RRP12: variants seen among roughly 807,000 people sequenced by gnomAD.
The protein encoded by RRP12 is ribosomal RNA processing 12 homolog.
RRP12 carries 78 observed loss-of-function variants against 157.3 expected under a neutral mutation model. That is an observed-to-expected ratio of 0.50 (90% CI 0.41 to 0.60). The LOEUF (loss-of-function observed/expected upper bound fraction) is 0.60. Among genes scored for constraint, RRP12 ranks in the 20% least tolerant of loss-of-function variants. The pLI is 0.00. For synonymous variants in RRP12, 726 were observed against 670.9 expected, an observed-to-expected ratio of 1.08 and a Z score of -1.27; for missense variants, 1,521 against 1,679.9, an observed-to-expected ratio of 0.91 and a Z score of 1.65.
rs552744440 is a variant in RRP12 at position 97,400,469 on chromosome 10, A to G, written c.205T>C (p.Leu69=). 2 of 1,614,118 alleles carry G rather than the reference A, an allele frequency of 1.2e-6. No individual in the cohort carries two copies. Among genetic ancestry groups the G allele is most frequent in the Non-Finnish European group, 1.7e-6 (2 of 1,180,018 alleles). Residue 69 remains leucine (L), a synonymous_variant, in exon 2 of 34, where the codon TTG becomes CTG. Coordinates refer to ENST00000370992, the MANE Select transcript of RRP12 (RefSeq NM_015179.4). The stretch of plus-strand genomic sequence containing the variant: ...GTCTCCGGGGCTTCGCTTTTGCCCA[A>G]GCGCAAGGACCCTGACTGCAGCTCA... ...HNELQSGSLR[L]GKSEAPETPM... is the part of the protein sequence containing the mutation.
rs543957050 is a variant in RRP12, at chr10:97,395,829, C to T, written c.453+389G>A. ...ACATGCCATTGCACTCCAGCCTGGG[C>T]GACAGTGTGAGACTCCGCCTCAAAA... On this transcript the variant is annotated intron_variant, in intron 3 of 33. Transcript: ENST00000370992. Among the ~76,000 whole-genome samples the T allele has an allele frequency of 3.0e-4, 43 of 143,156 alleles. No individual in the cohort carries two copies. The South Asian group carries it at 6.6e-3, about 22-fold the overall frequency. The allele number at this position is 143,156 out of a possible 152,430, so 93.9% of individuals were successfully genotyped here. A position where few individuals can be genotyped will look rare whatever the true frequency, so the allele number is the denominator to read the frequency against.
intron 2 of RRP12, 127 bp downstream of exon 2, chr10:97,400,178 A>G (rs1156429629): frequency 1.4e-6 from 1 of 724,288 alleles, no homozygotes; most frequent in Admixed American, 2.2e-5. Context: ...CATAAAGGGG[A>G]GGAGCGATGA....
At chr10:97,381,558 T>TGCCTGGGAGGGGAGAGTGG in intron 11 of RRP12, 75 bp from the exon 12 acceptor site, 1 of 1,300,908 alleles carries the variant, frequency 7.7e-7, no homozygotes, top group Non-Finnish European at 1.1e-6. Context: ...AGGCAACAGT[T>TGCCTGGGAGGGGAGAGTGG]TCCTGGGAGT....
chr10:97,393,727 ACTCCGG>A lies in RRP12; in HGVS notation c.481_486del (p.Pro161_Glu162del). 6.2e-7 allele frequency: 1 copy of A among 1,613,686 alleles called. No individual in the cohort carries two copies. Among genetic ancestry groups the A allele is most frequent in the African/African-American group, 1.3e-5 (1 of 74,892 alleles). On this transcript the variant is annotated inframe_deletion, in exon 4 of 34. Coordinates refer to ENST00000370992, the MANE Select transcript of RRP12 (RefSeq NM_015179.4). ...AGCAGGTAAGCAACGGCGGCCAGGG[ACTCCGG>A]GGACTCCACTGCTTCCATTGTTGTC...
intron 33 of RRP12, among the ~76,000 whole-genome samples, chr10:97,357,984 CTATGTAGAG>C (rs1324354147): frequency 6.7e-6 from 1 of 150,174 alleles, no homozygotes; most frequent in Non-Finnish European, 1.5e-5. Context: ...AAAAAGATGA[CTATGTAGAG>C]TATGTAAATA....
chr10:97,388,433 T>A, intron 7 of RRP12, 54 bp from the exon 8 acceptor site: 1 of 1,613,016 alleles, frequency 6.2e-7, no homozygotes, highest in Non-Finnish European at 8.5e-7. Flanking sequence ...GCAGGCCCTG[T>A]CCTGCTCTGC....
At chr10:97,361,340 T>C (rs1843837027) in intron 30 of RRP12, among the ~76,000 whole-genome samples, 1 of 152,172 alleles carries the variant, frequency 6.6e-6, no homozygotes, top group African/African-American at 2.4e-5. Flanking sequence ...GATGTGAGCC[T>C]AGAACCAACA....
chr10:97,388,639 G>C lies in RRP12; in HGVS notation c.754-15C>G. ...GCCTTCCGGATCTGAGGGGCAAGGAGAGCAGGAGACAAGGCCAGATCAGCG... is the reference window on the plus strand; with the variant it reads ...GCCTTCCGGATCTGAGGGGCAAGGACAGCAGGAGACAAGGCCAGATCAGCG... On this transcript the variant is annotated splice_polypyrimidine_tract_variant and intron_variant, in intron 6 of 33. Coordinates refer to ENST00000370992, the MANE Select transcript of RRP12 (RefSeq NM_015179.4). 1 of 1,612,888 alleles carries C rather than the reference G, an allele frequency of 6.2e-7. No individual in the cohort carries two copies.
chr10:97,380,948 A>T (rs373123908), intron 12 of RRP12, 35 bp from the exon 13 acceptor site: 63 of 1,513,600 alleles, frequency 4.2e-5, no homozygotes, highest in Non-Finnish European at 5.8e-5. Flanking sequence ...GGCCACGGTC[A>T]CACCACCCTG....
In RRP12 at chr10:97,390,582, A is replaced by C. The variant is rs775888735; in HGVS notation, c.637-43T>G. 5.0e-5 allele frequency: 76 copies of C among 1,508,674 alleles called. No individual in the cohort carries two copies. In the African/African-American group the frequency reaches 1.0e-3, roughly 20 times the overall value. 93.5% of individuals were successfully genotyped at this position (1,508,674 alleles called of 1,614,324 possible). On this transcript the variant is annotated intron_variant, in intron 5 of 33. Transcript: ENST00000370992. The stretch of plus-strand genomic sequence containing the variant: ...TCCCTCAGTGCCACCAGCCTCGGCC[A>C]GGAGGGAAAAGAGCCCAGGTTCTCA...
chr10:97,364,176 T>A (rs1391887484), intron 29 of RRP12, among the ~76,000 whole-genome samples: 2 of 152,138 alleles, frequency 1.3e-5, no homozygotes, highest in Non-Finnish European at 2.9e-5. Context: ...TTTGAAACTT[T>A]TCTTTTCCCA....
At chr10:97,391,775 G>A (rs2133090771) in intron 4 of RRP12, among the ~76,000 whole-genome samples, 1 of 152,120 alleles carries the variant, frequency 6.6e-6, no homozygotes, top group South Asian at 2.1e-4. Flanking sequence ...CAAACAATTA[G>A]CCAGACGTGG....
At chr10:97,390,698 C>A in intron 5 of RRP12, 41 bp downstream of exon 5, 1 of 1,489,936 alleles carries the variant, frequency 6.7e-7, no homozygotes, top group Non-Finnish European at 9.4e-7. Flanking sequence ...CAGACAGGCT[C>A]TGGGAGTCGC....
intron 3 of RRP12, among the ~76,000 whole-genome samples, chr10:97,395,389 T>C (rs1844930657): frequency 6.6e-6 from 1 of 150,594 alleles, no homozygotes; most frequent in African/African-American, 2.4e-5. Context: ...CTGTCTCTAC[T>C]AAAAATACAA....
rs770629490 is a variant in RRP12, at chr10:97,363,936, G to A, written c.3518-33C>T. ...CAAAAAAGAGAGGCCCATGAGCGCT[G>A]TGGGAGCTCCTCAAAACCTACCCTT... On this transcript the variant is annotated intron_variant, in intron 29 of 33. Coordinates refer to ENST00000370992, the MANE Select transcript of RRP12 (RefSeq NM_015179.4). 4 of 1,604,692 alleles carry A rather than the reference G, an allele frequency of 2.5e-6. No individual in the cohort carries two copies. The South Asian group carries it at 4.4e-5, about 18-fold the overall frequency.
Position 97,366,175 on chromosome 10 carries a change from G to A in RRP12, c.3450C>T (p.Ala1150=), listed in dbSNP as rs766726281. Residue 1150 remains alanine, a synonymous_variant, in exon 29 of 34, where the codon GCC becomes GCT. Transcript: ENST00000370992. ...CCTCCCTTATGATCAGCCGGCCATC[G>A]GCGCTCACCTTGAAGCCGTGGTCCT... ...RKKDHGFKVS[A]DGRLIIREEA... is the part of the protein sequence containing the mutation. 1.4e-5 allele frequency: 22 copies of A among 1,610,112 alleles called. No homozygotes were observed. The highest frequency in any genetic ancestry group is 1.9e-5 in the Non-Finnish European group (22 of 1,179,930).
intron 2 of RRP12, among the ~76,000 whole-genome samples, chr10:97,396,658 G>T (rs1483460468): frequency 6.6e-6 from 1 of 152,166 alleles, no homozygotes; most frequent in Non-Finnish European, 1.5e-5. Context: ...CAGTTATCGA[G>T]GGGGGGATTG....
In RRP12 at chr10:97,358,529, C is replaced by T. The variant is rs201457027; in HGVS notation, c.3791+8G>A. ...CCAGCCCCCAGCCTGCCTGGCACAG[C>T]GTCATACCTGCGGTTGAGCTTGCTT... is the stretch of plus-strand genomic sequence containing the variant. On this transcript the variant is annotated splice_region_variant and intron_variant, in intron 33 of 33. Transcript: ENST00000370992. 1.4e-4 allele frequency: 219 copies of T among 1,611,374 alleles called. No individual in the cohort carries two copies. The African/African-American group carries it at 2.3e-3, about 17-fold the overall frequency.
intron 30 of RRP12, among the ~76,000 whole-genome samples, chr10:97,363,139 G>A (rs1029373353): frequency 3.3e-5 from 5 of 152,176 alleles, no homozygotes; most frequent in African/African-American, 9.7e-5. Flanking sequence ...TACGGGTGGT[G>A]CCCAGGAAGG....
Sources: allele counts gnomAD v4.1 joint callset (sites outside exome capture counted in the v4.1 genomes callset), GRCh38; gene constraint gnomAD v4.1.1; transcripts MANE v1.5; gene names NCBI Gene and HGNC (gene_info 2026-07-23, HGNC 2026-07-21).